The following TRPC6 variants were observed in gnomAD, a reference collection of about 807,000 sequenced individuals.
TRPC6 encodes short transient receptor potential channel 6.
In TRPC6, 55 loss-of-function variants were observed where a neutral mutation model predicts 90.7. The observed-to-expected ratio is 0.61, with a 90% CI of 0.49 to 0.76. The LOEUF (loss-of-function observed/expected upper bound fraction) is 0.76. Ranked by LOEUF, TRPC6 falls within the 30% of genes least tolerant of loss-of-function variation. TRPC6 has a pLI of 0.00. For synonymous variants in TRPC6, 393 were observed against 393.0 expected (o/e 1.00, Z 0.00); for missense variants, 989 against 1,122.7 (o/e 0.88, Z 1.70).
intron 1 of TRPC6, among the ~76,000 whole-genome samples, chr11:101,554,812 A>G (rs1338756920): frequency 6.6e-6 from 1 of 152,208 alleles, no homozygotes; most frequent in East Asian, 1.9e-4. Context: ...TCAAAGCTGA[A>G]TAACACCCTT....
chr11:101,493,924 A>T (rs1434050732), intron 2 of TRPC6, among the ~76,000 whole-genome samples: 1 of 152,190 alleles, frequency 6.6e-6, no homozygotes, highest in Non-Finnish European at 1.5e-5. Context: ...ATATCATTGC[A>T]GTTTAGTAAC....
In TRPC6 at chr11:101,452,721, C is replaced by CTGCTGGGCAT; in HGVS notation, c.*233_*234insATGCCCAGCA. 1 of 520,728 alleles carries CTGCTGGGCAT rather than the reference C, an allele frequency of 1.9e-6. No homozygotes were observed. The highest frequency in any genetic ancestry group is 3.4e-5 in the East Asian group (1 of 29,662). 32.3% of individuals were successfully genotyped at this position (520,728 alleles called of 1,614,324 possible). On this transcript the variant is annotated 3_prime_UTR_variant, in exon 13 of 13. Coordinates refer to ENST00000344327, the MANE Select transcript of TRPC6 (RefSeq NM_004621.6). Reference sequence around the variant, plus strand: ...ATATCCAAGAAAGCAGTTTATAAAACAAGCACCAAACAACTGGGCATAATT... The same window carrying CTGCTGGGCAT: ...ATATCCAAGAAAGCAGTTTATAAAACTGCTGGGCATAAGCACCAAACAACTGGGCATAATT...
At position 101,504,594 on chromosome 11, in the gene TRPC6, G is replaced by A. The variant is rs201643083; in HGVS notation, c.375C>T (p.Asn125=). 59 of 1,613,860 alleles carry A rather than the reference G, an allele frequency of 3.7e-5. No individual in the cohort carries two copies. Among genetic ancestry groups the A allele is most frequent in the Non-Finnish European group, 4.7e-5 (56 of 1,179,902 alleles). ...RKMLEECHSL[N]VNCVDYMGQN... ...GGCCCATGTAATCCACACAGTTAAC[G>A]TTGAGTGAGTGGCATTCTTCTAACA... The change falls in exon 2 of 13, where the codon AAC becomes AAT. Residue 125 remains asparagine, a synonymous_variant. Coordinates refer to ENST00000344327, the MANE Select transcript of TRPC6 (RefSeq NM_004621.6).
At chr11:101,579,588 TGTTTTACTCTTATAGGAAC>T (rs1338012130) in intron 1 of TRPC6, among the ~76,000 whole-genome samples, 1 of 152,206 alleles carries the variant, frequency 6.6e-6, no homozygotes, top group Non-Finnish European at 1.5e-5. Flanking sequence ...AATGATTTTG[TGTTTTACTCTTATAGGAAC>T]CTCAGGAGTA....
chr11:101,559,741 A>G (rs7940203), intron 1 of TRPC6, among the ~76,000 whole-genome samples: 33,839 of 146,032 alleles, frequency 0.23, 4,307 homozygotes, highest in East Asian at 0.39. Context: ...CCATTAACTC[A>G]TCATTTAACA....
intron 5 of TRPC6, among the ~76,000 whole-genome samples, chr11:101,481,696 G>T (rs10895115): frequency 0.62 from 94,785 of 151,840 alleles, 30,006 homozygotes; most frequent in South Asian, 0.7. Context: ...TCTCCTGAGT[G>T]CCAGGCCTCA....
chr11:101,499,211 C>A (rs904055499), intron 2 of TRPC6, among the ~76,000 whole-genome samples: 1 of 152,086 alleles, frequency 6.6e-6, no homozygotes, highest in Non-Finnish European at 1.5e-5. Context: ...TTATATTATT[C>A]TTAATATCTT....
At chr11:101,484,081 T>G (rs1565211997) in intron 4 of TRPC6, among the ~76,000 whole-genome samples, 1 of 152,180 alleles carries the variant, frequency 6.6e-6, no homozygotes, top group Admixed American at 6.5e-5. Flanking sequence ...GAGTTTATTA[T>G]TACAGAAAAC....
chr11:101,485,923 G>A (rs1458915597), intron 4 of TRPC6, among the ~76,000 whole-genome samples: 1 of 152,068 alleles, frequency 6.6e-6, no homozygotes, highest in Non-Finnish European at 1.5e-5. Context: ...TGATCTGTGT[G>A]CCTGGCCCCT....
intron 10 of TRPC6, among the ~76,000 whole-genome samples, chr11:101,458,482 T>G (rs952915198): frequency 3.9e-5 from 6 of 152,218 alleles, no homozygotes; most frequent in African/African-American, 1.4e-4. Context: ...ATCTGGCATT[T>G]TGAGGTTTAC....
chr11:101,555,942 G>C (rs1219057004), intron 1 of TRPC6, among the ~76,000 whole-genome samples: 3 of 152,070 alleles, frequency 2.0e-5, no homozygotes, highest in Non-Finnish European at 4.4e-5. Context: ...CCAATACACG[G>C]ATATTGAACA....
chr11:101,482,296 A>G (rs1168082177), intron 5 of TRPC6, among the ~76,000 whole-genome samples: 1 of 152,224 alleles, frequency 6.6e-6, no homozygotes, highest in Non-Finnish European at 1.5e-5. Context: ...TATCTAATTG[A>G]AGTATCTTTA....
At chr11:101,486,749 A>T (rs1233213844) in intron 4 of TRPC6, among the ~76,000 whole-genome samples, 2 of 152,148 alleles carry the variant, frequency 1.3e-5, no homozygotes, top group Non-Finnish European at 2.9e-5. Flanking sequence ...ATGTTCATGG[A>T]TATATTGGAA....
chr11:101,560,614 T>C (rs1861691342), intron 1 of TRPC6, among the ~76,000 whole-genome samples: 1 of 151,676 alleles, frequency 6.6e-6, no homozygotes, highest in Non-Finnish European at 1.5e-5. Flanking sequence ...GAAAGCCCCA[T>C]ACAGCAGACA....
At chr11:101,477,849 T>C (rs1269288538) in intron 5 of TRPC6, among the ~76,000 whole-genome samples, 1 of 152,238 alleles carries the variant, frequency 6.6e-6, no homozygotes, top group Non-Finnish European at 1.5e-5. Flanking sequence ...TTTTCCATGA[T>C]TGGCACATGT....
intron 4 of TRPC6, among the ~76,000 whole-genome samples, chr11:101,484,595 A>ATG (rs61160203): frequency 0.21 from 29,559 of 140,414 alleles, 3,186 homozygotes; most frequent in East Asian, 0.42. Flanking sequence ...CTCTCATGCT[A>ATG]TGTGTGTGTG....
intron 1 of TRPC6, among the ~76,000 whole-genome samples, chr11:101,513,621 C>T (rs994376348): frequency 1.2e-4 from 19 of 152,214 alleles, no homozygotes; most frequent in South Asian, 1.0e-3. Context: ...TGGGTAACCA[C>T]GGCATCATCA....
At chr11:101,540,096 T>A (rs1861136167) in intron 1 of TRPC6, among the ~76,000 whole-genome samples, 12 of 152,252 alleles carry the variant, frequency 7.9e-5, no homozygotes, top group Admixed American at 7.8e-4. Context: ...GTTCTTTAGC[T>A]TCTCTTAGCT....
Position 101,472,214 on chromosome 11 carries a change from C to T in TRPC6, c.2128G>A (p.Val710Ile). 1 of 1,613,156 alleles carries T rather than the reference C, an allele frequency of 6.2e-7. No homozygotes were observed. The change falls in exon 8 of 13, where the codon GTC (valine) becomes ATC (isoleucine). Residue 710 changes from valine (V) to isoleucine (I), a missense_variant. This residue lies in a region of TRPC6 where 118 missense variants were observed against 197.6 expected (regional missense o/e 0.60). Transcript: ENST00000344327. Reference sequence around the variant, plus strand: ...ACAATGACCATCGTAACATTATAGACTCCATAAAGAACGTAACCAATGTTT... The same window carrying T: ...ACAATGACCATCGTAACATTATAGATTCCATAAAGAACGTAACCAATGTTT... ...IENIGYVLYG[V>I]YNVTMVIVLL...
Sources: gnomAD v4.1 joint callset for allele counts (sites outside exome capture counted in the v4.1 genomes callset) on GRCh38, gnomAD v4.1.1 for gene constraint, gnomAD v4.1.1 regional missense constraint, MANE v1.5 for transcripts, NCBI Gene and HGNC (gene_info 2026-07-23, HGNC 2026-07-21) for gene names.